Variants in CNTNAP5 observed in about 807,000 individuals in gnomAD.
The protein encoded by CNTNAP5 is contactin associated protein family member 5.
Under a neutral mutation model 150.2 loss-of-function variants are expected in CNTNAP5, and 72 were observed. The observed-to-expected ratio is 0.48, with a 90% CI of 0.40 to 0.58. The LOEUF (loss-of-function observed/expected upper bound fraction) is 0.58, where lower values mean the gene tolerates loss of function less well. CNTNAP5 is among the 20% of genes least tolerant of loss of function. The pLI is 0.00. For synonymous variants in CNTNAP5, 672 were observed against 619.8 expected (o/e 1.08, Z -1.25); for missense variants, 1,636 against 1,626.2 (o/e 1.01, Z -0.10).
intron 3 of CNTNAP5, among the ~76,000 whole-genome samples, chr2:124,309,743 G>GT (rs1400857805): frequency 6.6e-6 from 1 of 152,168 alleles, no homozygotes; most frequent in Non-Finnish European, 1.5e-5. Flanking sequence ...CCTTGCAGCT[G>GT]TGTCCCAAGG....
At position 124,757,287 on chromosome 2, in the gene CNTNAP5, TAAAC is replaced by T. The variant is rs1399078163; in HGVS notation, c.2235-6384_2235-6381del. ...GGGCTGGAAAATGATTGCAAATTAG[TAAAC>T]TAAAACCTAGTCAATTGAGCTGTGT... is the stretch of plus-strand genomic sequence containing the variant. On this transcript the variant is annotated intron_variant, in intron 14 of 23. Coordinates refer to ENST00000682447, the MANE Select transcript of CNTNAP5 (RefSeq NM_001367498.1). 1.7e-4 allele frequency among the ~76,000 whole-genome samples: 26 copies of T among 152,266 alleles called. 1 individual carries two copies. Among genetic ancestry groups the T allele is most frequent in the African/African-American group, 6.0e-4 (25 of 41,548 alleles).
intron 10 of CNTNAP5, among the ~76,000 whole-genome samples, chr2:124,528,363 G>T (rs1388009299): frequency 6.6e-6 from 1 of 152,170 alleles, no homozygotes; most frequent in Non-Finnish European, 1.5e-5. Context: ...ATGAGTCGAA[G>T]AAGGTTTCAG....
At chr2:124,856,126 A>G (rs974565741) in intron 19 of CNTNAP5, among the ~76,000 whole-genome samples, 2 of 151,882 alleles carry the variant, frequency 1.3e-5, no homozygotes, top group Non-Finnish European at 2.9e-5. Flanking sequence ...AAAAAAATAA[A>G]GAAATTGTGT....
At chr2:124,359,612 G>T (rs1225175183) in intron 3 of CNTNAP5, among the ~76,000 whole-genome samples, 3 of 129,722 alleles carry the variant, frequency 2.3e-5, no homozygotes, top group African/African-American at 9.1e-5. Flanking sequence ...TAGTTGAGCG[G>T]TTTTGAGTGA....
intron 3 of CNTNAP5, among the ~76,000 whole-genome samples, chr2:124,252,256 C>T (rs992980475): frequency 6.6e-6 from 1 of 152,122 alleles, no homozygotes; most frequent in Non-Finnish European, 1.5e-5. Flanking sequence ...CATCCTAAAC[C>T]CCTTAATAGG....
chr2:124,290,704 G>A (rs1688264922), intron 3 of CNTNAP5, among the ~76,000 whole-genome samples: 1 of 152,068 alleles, frequency 6.6e-6, no homozygotes, highest in Non-Finnish European at 1.5e-5. Context: ...AATTCACTCA[G>A]TAGGCATTTT....
chr2:124,749,881 AG>A (rs1680688115), intron 14 of CNTNAP5, among the ~76,000 whole-genome samples: 1 of 152,132 alleles, frequency 6.6e-6, no homozygotes. Flanking sequence ...GGCAGGGAAA[AG>A]CGTGGCCTTA....
chr2:124,897,623 T>C (rs1678332833), intron 21 of CNTNAP5, among the ~76,000 whole-genome samples: 1 of 151,402 alleles, frequency 6.6e-6, no homozygotes, highest in African/African-American at 2.5e-5. Flanking sequence ...TGAATGGCTG[T>C]TAAGTCAGGC....
intron 11 of CNTNAP5, among the ~76,000 whole-genome samples, chr2:124,566,404 C>A (rs953516273): frequency 6.6e-6 from 1 of 151,904 alleles, no homozygotes; most frequent in African/African-American, 2.4e-5. Flanking sequence ...ATCCATCAGG[C>A]TAAAAATAGA....
intron 13 of CNTNAP5, among the ~76,000 whole-genome samples, chr2:124,732,726 T>G (rs900325647): frequency 6.6e-6 from 1 of 152,182 alleles, no homozygotes; most frequent in Admixed American, 6.6e-5. Context: ...ATGCACTGAA[T>G]TTCACATTTT....
intron 7 of CNTNAP5, among the ~76,000 whole-genome samples, chr2:124,494,292 G>A (rs1458392616): frequency 2.6e-5 from 4 of 152,030 alleles, no homozygotes; most frequent in Non-Finnish European, 5.9e-5. Flanking sequence ...AGAACCCAAG[G>A]GGGTGGGGTG....
At chr2:124,447,884 G>A (rs955395547) in intron 6 of CNTNAP5, among the ~76,000 whole-genome samples, 1 of 152,100 alleles carries the variant, frequency 6.6e-6, no homozygotes, top group Non-Finnish European at 1.5e-5. Flanking sequence ...GCCATCAGTG[G>A]TGTGTTTGAG....
intron 13 of CNTNAP5, among the ~76,000 whole-genome samples, chr2:124,714,555 T>C (rs13026089): frequency 0.16 from 24,725 of 152,018 alleles, 2,289 homozygotes; most frequent in East Asian, 0.24. Flanking sequence ...TATCCACCAT[T>C]CCCTAATATT....
At chr2:124,099,955 T>C (rs1317359469) in intron 1 of CNTNAP5, among the ~76,000 whole-genome samples, 1 of 152,192 alleles carries the variant, frequency 6.6e-6, no homozygotes, top group African/African-American at 2.4e-5. Flanking sequence ...AGATGACAGT[T>C]TGACATGAGA....
chr2:124,808,034 G>A (rs314716), intron 19 of CNTNAP5, among the ~76,000 whole-genome samples: 131,946 of 152,092 alleles, frequency 0.87, 57,688 homozygotes, highest in African/African-American at 0.96. Flanking sequence ...ATTGGTGTCA[G>A]TTTCTGTAAT....
At chr2:124,860,423 C>G (rs888275613) in intron 19 of CNTNAP5, among the ~76,000 whole-genome samples, 1 of 124,470 alleles carries the variant, frequency 8.0e-6, no homozygotes, top group Admixed American at 7.3e-5. Flanking sequence ...TCCCTTCCTT[C>G]CTTCCTTCCT....
intron 3 of CNTNAP5, among the ~76,000 whole-genome samples, chr2:124,348,014 T>A (rs1009713856): frequency 6.6e-6 from 1 of 151,982 alleles, no homozygotes; most frequent in Non-Finnish European, 1.5e-5. Flanking sequence ...TATTTTTTAG[T>A]GGAGACGGGG....
At chr2:124,582,958 C>A (rs558430091) in intron 11 of CNTNAP5, among the ~76,000 whole-genome samples, 1 of 152,168 alleles carries the variant, frequency 6.6e-6, no homozygotes, top group Non-Finnish European at 1.5e-5. Flanking sequence ...TTGATAAAAT[C>A]ATTTCTTAAA....
intron 3 of CNTNAP5, among the ~76,000 whole-genome samples, chr2:124,299,795 G>A (rs1428633132): frequency 6.6e-6 from 1 of 152,214 alleles, no homozygotes; most frequent in East Asian, 1.9e-4. Context: ...ATAATTGGAT[G>A]TGGATGAGGC....
Sources: gnomAD v4.1 joint callset for allele counts (sites outside exome capture counted in the v4.1 genomes callset) on GRCh38, gnomAD v4.1.1 for gene constraint, MANE v1.5 for transcripts, NCBI Gene and HGNC (gene_info 2026-07-23, HGNC 2026-07-21) for gene names.